The following OTOP2 variants were observed in gnomAD, a reference collection of about 807,000 sequenced individuals.
OTOP2 encodes otopetrin 2, also known as proton channel OTOP2.
A neutral mutation model predicts 47.4 loss-of-function variants in OTOP2; 41 were observed. That is an observed-to-expected ratio of 0.87 (90% confidence interval 0.67 to 1.12). OTOP2 has a LOEUF of 1.12. OTOP2 is among the 50% of genes most tolerant of loss of function. The probability of loss-of-function intolerance (pLI) is 0.00; values close to 1 mark genes in which losing one functional copy is unlikely to be tolerated. For synonymous variants in OTOP2, 328 were observed against 319.6 expected (o/e 1.03, Z -0.28); for missense variants, 721 against 752.2 (o/e 0.96, Z 0.49).
At chr17:74,929,688 A>G (rs956757333) in intron 5 of OTOP2, among the ~76,000 whole-genome samples, 1 of 152,214 alleles carries the variant, frequency 6.6e-6, no homozygotes, top group African/African-American at 2.4e-5. Context: ...GGCCTCCCAA[A>G]GTGTTGGGAT....
At chr17:74,927,353 AC>A (rs1384560822) in intron 4 of OTOP2, 72 bp downstream of exon 4, 1 of 1,514,100 alleles carries the variant, frequency 6.6e-7, no homozygotes, top group African/African-American at 1.4e-5. Context: ...CAGGCTTTCC[AC>A]CCTGGGGCAG....
rs1374273352 is a variant in OTOP2 at position 74,927,757 on chromosome 17, G to C, written c.602G>C (p.Ser201Thr). The C allele has an allele frequency of 3.7e-6, 6 of 1,614,122 alleles. No individual in the cohort carries two copies. The change falls in exon 5 of 7, where the codon AGT becomes ACT. Residue 201 changes from serine to threonine, a missense_variant. By Grantham distance (58) the Ser-to-Thr change is moderately conservative. Transcript: ENST00000331427. ...GTGCACCAATCCCACTCCTACAGCA[G>C]TTCTCACAGCAACGCCAGCCACGCC... The part of the protein sequence containing the change: ...ESVHQSHSYS[S>T]SHSNASHARL...
Position 74,933,458 on chromosome 17 carries a change from G to A in OTOP2, c.1602G>A (p.Ala534=), listed in dbSNP as rs780730605. ...EVDFYGYSLW[A]VIVNICLPFG... is the part of the protein sequence containing the mutation. ...ATTTCTACGGCTACTCCCTCTGGGC[G>A]GTCATCGTCAACATCTGCCTCCCTT... is the stretch of plus-strand genomic sequence containing the variant. The change falls in exon 7 of 7, where the codon GCG becomes GCA. Residue 534 remains alanine, a synonymous_variant. Transcript: ENST00000331427. The surrounding 1 kb of genome is among the most constrained non-coding windows in gnomAD (Gnocchi z 4.7). 25 of 1,614,050 alleles carry A rather than the reference G, an allele frequency of 1.5e-5. No individual in the cohort carries two copies. Among genetic ancestry groups the A allele is most frequent in the South Asian group, 7.7e-5 (7 of 91,088 alleles).
chr17:74,931,065 C>T lies in OTOP2; in HGVS notation c.1430C>T (p.Ala477Val). The T allele has an allele frequency of 2.5e-6, 4 of 1,614,150 alleles. No homozygotes were observed. The highest frequency in any genetic ancestry group is 3.4e-6 in the Non-Finnish European group (4 of 1,180,012). The change falls in exon 6 of 7, where the codon GCA becomes GTA. Residue 477 changes from alanine (A) to valine (V), a missense_variant. Ala to Val is a moderately conservative substitution (Grantham distance 64). Transcript: ENST00000331427. ...CCCAGCCCTTCAGACCAGCGGGAAG[C>T]AGTGGCCATCGTCTCAACCCCCAGA... ...VSPSPSDQREAVAIVSTPRSQ... is the reference protein window; with the variant it reads ...VSPSPSDQREVVAIVSTPRSQ...
chr17:74,929,109 G>A (rs1427576653), intron 5 of OTOP2, among the ~76,000 whole-genome samples: 1 of 152,166 alleles, frequency 6.6e-6, no homozygotes. Flanking sequence ...AAAACCAGCT[G>A]GGCTAGTTCT....
chr17:74,926,446 C>T (rs2039008896), intron 3 of OTOP2, among the ~76,000 whole-genome samples: 1 of 152,144 alleles, frequency 6.6e-6, no homozygotes, highest in Non-Finnish European at 1.5e-5. Flanking sequence ...GTAGCAAGGC[C>T]TGGTACGGTG....
In OTOP2 at chr17:74,933,118, G is replaced by A. The variant is rs931885977; in HGVS notation, c.1519-257G>A. On this transcript the variant is annotated intron_variant, in intron 6 of 6. Transcript: ENST00000331427. The surrounding 1 kb of genome is among the most constrained non-coding windows in gnomAD (Gnocchi z 4.7). ...CATTGAGGCCCTGCTAAGATTTTGG[G>A]AGAGGTGATCACAGGTGTCCATGAG... Among the ~76,000 whole-genome samples the A allele has an allele frequency of 7.9e-5, 12 of 152,102 alleles. No homozygotes were observed. Among genetic ancestry groups the A allele is most frequent in the African/African-American group, 2.9e-4 (12 of 41,398 alleles).
At position 74,930,749 on chromosome 17, in the gene OTOP2, C is replaced by G; in HGVS notation, c.1114C>G (p.Leu372Val). ...NPTRTLDVAL[L>V]MGAALGQYAI... Reference sequence around the variant, plus strand: ...CACGCGCACTCTGGACGTGGCCCTGCTGATGGGTGCCGCCCTGGGTCAGTA... The same window carrying G: ...CACGCGCACTCTGGACGTGGCCCTGGTGATGGGTGCCGCCCTGGGTCAGTA... The change falls in exon 6 of 7, where the codon CTG (leucine) becomes GTG (valine). Residue 372 changes from leucine to valine, a missense_variant. By Grantham distance (32) the Leu-to-Val change is conservative. Coordinates refer to ENST00000331427, the MANE Select transcript of OTOP2 (RefSeq NM_178160.3). This position sits in a 1 kb window ranked among gnomAD's most constrained non-coding sequence, Gnocchi z 4.0. 2 of 1,614,118 alleles carry G rather than the reference C, an allele frequency of 1.2e-6. No homozygotes were observed. The highest frequency in any genetic ancestry group is 2.2e-5 in the South Asian group (2 of 91,076).
At chr17:74,931,604 G>A (rs1477510381) in intron 6 of OTOP2, among the ~76,000 whole-genome samples, 6 of 152,282 alleles carry the variant, frequency 3.9e-5, no homozygotes, top group Non-Finnish European at 7.4e-5. Context: ...AGAGTGAACT[G>A]GGAAGGAGGG....
At chr17:74,925,067 A>G in intron 2 of OTOP2, 122 bp downstream of exon 2, 2 of 1,245,996 alleles carry the variant, frequency 1.6e-6, no homozygotes, top group East Asian at 2.6e-5. Context: ...AGGGAGGACC[A>G]GGAGGACCGG....
In OTOP2 at chr17:74,931,108, G is replaced by A; in HGVS notation, c.1473G>A (p.Gln491=). 1.2e-6 allele frequency: 2 copies of A among 1,611,574 alleles called. No individual in the cohort carries two copies. The highest frequency in any genetic ancestry group is 8.5e-7 in the Non-Finnish European group (1 of 1,178,564). The change falls in exon 6 of 7, where the codon CAG becomes CAA. Residue 491 remains glutamine (Q), a synonymous_variant. Transcript: ENST00000331427. ...CCCCCAGAAGCCAGTGGAGACGCCA[G>A]TGCCTAAAAGACATTTCTCTGTTTC... ...VSTPRSQWRR[Q]CLKDISLFLL...
At chr17:74,927,449 T>A in intron 4 of OTOP2, 168 bp downstream of exon 4, 1 of 1,031,644 alleles carries the variant, frequency 9.7e-7, no homozygotes, top group Non-Finnish European at 1.4e-6. Context: ...TGTGGGGCCC[T>A]TTCTCCCAGG....
Position 74,933,715 on chromosome 17 carries a change from C to T in OTOP2, c.*170C>T. The T allele has an allele frequency of 1.3e-6, 1 of 798,312 alleles. No homozygotes were observed. 49.5% of individuals were successfully genotyped at this position (798,312 alleles called of 1,614,324 possible). ...TTTTCCAGGTTCAATTTTTAAATCA[C>T]AGTCAGGACAGGCCCATCCACCCCA... is the stretch of plus-strand genomic sequence containing the variant. On this transcript the variant is annotated 3_prime_UTR_variant, in exon 7 of 7. Coordinates refer to ENST00000331427, the MANE Select transcript of OTOP2 (RefSeq NM_178160.3). The surrounding 1 kb of genome is among the most constrained non-coding windows in gnomAD (Gnocchi z 4.7).
intron 5 of OTOP2, among the ~76,000 whole-genome samples, chr17:74,928,557 C>A (rs1567944639): frequency 6.6e-6 from 1 of 152,154 alleles, no homozygotes; most frequent in African/African-American, 2.4e-5. Flanking sequence ...AGGCACTGTG[C>A]TGAGTGTCTT....
rs777658228 is a variant in OTOP2 at position 74,924,912 on chromosome 17, C to T, written c.280C>T (p.Arg94Trp). The stretch of plus-strand genomic sequence containing the variant: ...GCGCTGCCCCTGCGCGGTACCCTAC[C>T]GGGACGCGCACGCTGGCCCCATCTG... ...TVRCPCAVPYRDAHAGPIWLR... is the reference protein window; with the variant it reads ...TVRCPCAVPYWDAHAGPIWLR... Residue 94 changes from arginine (R) to tryptophan (W), a missense_variant, in exon 2 of 7, where the codon CGG becomes TGG. Physicochemically the swap from Arg to Trp is moderately radical, Grantham distance 101. Coordinates refer to ENST00000331427, the MANE Select transcript of OTOP2 (RefSeq NM_178160.3). The surrounding 1 kb of genome is among the most constrained non-coding windows in gnomAD (Gnocchi z 7.7). 2.0e-5 allele frequency: 31 copies of T among 1,584,866 alleles called. No homozygotes were observed. Among genetic ancestry groups the T allele is most frequent in the African/African-American group, 4.0e-5 (3 of 74,636 alleles).
In OTOP2 at chr17:74,924,488, GA is replaced by G; in HGVS notation, c.-33-110del. 1 of 963,040 alleles carries G rather than the reference GA, an allele frequency of 1.0e-6. No homozygotes were observed. Among genetic ancestry groups the G allele is most frequent in the Non-Finnish European group, 1.5e-6 (1 of 681,424 alleles). 59.7% of individuals were successfully genotyped at this position (963,040 alleles called of 1,614,324 possible). A position where few individuals can be genotyped will look rare whatever the true frequency, so the allele number is the denominator to read the frequency against. On this transcript the variant is annotated intron_variant, in intron 1 of 6. Transcript: ENST00000331427. The surrounding 1 kb of genome is among the most constrained non-coding windows in gnomAD (Gnocchi z 7.7). ...TTTCCCAGCGCTTCCTCCAGCACCC[GA>G]AGCCCCAACCCTGCGGGTCAGGAAC...
chr17:74,930,952 C>T lies in OTOP2; in HGVS notation c.1317C>T (p.Pro439=), dbSNP rs372144684. 7.4e-6 allele frequency: 12 copies of T among 1,613,984 alleles called. No individual in the cohort carries two copies. The African/African-American group carries it at 1.3e-4, about 18-fold the overall frequency. ...PPGAEPHSTH[P]KEPCQDLTFT... ...GGGCTGAGCCTCACAGTACCCACCC[C>T]AAGGAGCCCTGCCAAGACCTCACCT... The change falls in exon 6 of 7, where the codon CCC becomes CCT. Residue 439 remains proline (P), a synonymous_variant. Transcript: ENST00000331427. This position sits in a 1 kb window ranked among gnomAD's most constrained non-coding sequence, Gnocchi z 4.0.
intron 3 of OTOP2, among the ~76,000 whole-genome samples, chr17:74,926,013 T>C (rs528872609): frequency 5.1e-4 from 78 of 152,346 alleles, no homozygotes; most frequent in African/African-American, 1.7e-3. Flanking sequence ...CCTTCTTGGG[T>C]GCCCGTAGGG....
chr17:74,927,253 T>C lies in OTOP2; in HGVS notation c.481T>C (p.Cys161Arg). 1 of 1,613,694 alleles carries C rather than the reference T, an allele frequency of 6.2e-7. No homozygotes were observed. The change falls in exon 4 of 7, where the codon TGC becomes CGC. Residue 161 changes from cysteine to arginine, a missense_variant. Cys to Arg is a radical substitution (Grantham distance 180). Transcript: ENST00000331427. ...CTTTCTCTGGGTCTCTGCTAAAGAC[T>C]GCGTTCACGTCCACCTGGATCTGAC... is the stretch of plus-strand genomic sequence containing the variant. ...TYFLWVSAKD[C>R]VHVHLDLTWC...
Sources: allele counts gnomAD v4.1 joint callset (sites outside exome capture counted in the v4.1 genomes callset), GRCh38; gene constraint gnomAD v4.1.1; non-coding constraint Gnocchi (gnomAD v3.1); transcripts MANE v1.5; gene names NCBI Gene and HGNC (gene_info 2026-07-23, HGNC 2026-07-21).